Variants in RRP7A observed in about 807,000 individuals in gnomAD.
RRP7A encodes the protein ribosomal RNA processing 7 homolog A, also known as ribosomal RNA-processing protein 7 homolog A.
RRP7A carries 27 observed loss-of-function variants against 38.4 expected under a neutral mutation model. The observed-to-expected ratio is 0.70, with a 90% CI of 0.52 to 0.97. The LOEUF is 0.97. Among genes scored for constraint, RRP7A ranks in the 50% least tolerant of loss-of-function variants. The probability of loss-of-function intolerance (pLI) is 0.00; values close to 1 mark genes in which losing one functional copy is unlikely to be tolerated. For synonymous variants in RRP7A, 124 were observed against 150.3 expected (o/e 0.83, Z 1.28); for missense variants, 327 against 375.4 (o/e 0.87, Z 1.07).
chr22:42,514,032 A>C (rs148135124), intron 6 of RRP7A, 74 bp downstream of exon 6: 1 of 1,339,554 alleles, frequency 7.5e-7, no homozygotes, highest in Non-Finnish European at 1.0e-6. Context: ...CGCCCTCAGG[A>C]GCACTGGCCA....
chr22:42,517,223 A>C (rs1407538720), intron 2 of RRP7A, among the ~76,000 whole-genome samples: 2 of 151,824 alleles, frequency 1.3e-5, no homozygotes, highest in African/African-American at 4.8e-5. Context: ...GGTTGCAGTG[A>C]GTTGTGAACG....
intron 6 of RRP7A, among the ~76,000 whole-genome samples, chr22:42,513,658 C>T (rs1439975077): frequency 3.4e-3 from 438 of 128,988 alleles, no homozygotes; most frequent in African/African-American, 0.012. Context: ...CGATCGGGCC[C>T]ACAGGCATGG....
In RRP7A at chr22:42,512,729, A is replaced by G. The variant is rs1601804885; in HGVS notation, c.*181T>C. 7 of 668,008 alleles carry G rather than the reference A, an allele frequency of 1.0e-5. No individual in the cohort carries two copies. The highest frequency in any genetic ancestry group is 5.3e-5 in the African/African-American group (3 of 56,388). 41.4% of individuals were successfully genotyped at this position (668,008 alleles called of 1,614,324 possible). ...GTCCCCAGGACTGCTGAAGCACAAG[A>G]CCCGAGGGGTGGCCTGGTCCTTCCC... On this transcript the variant is annotated 3_prime_UTR_variant, in exon 7 of 7. Transcript: ENST00000323013.
At position 42,511,636 on chromosome 22, in the gene RRP7A, G is replaced by A. The variant is rs1283572856; in HGVS notation, c.*1274C>T. ...TATGGTCACCTACCCACTTACACCT[G>A]ACCCTGGGGCCTCTGCAGTTTTCTT... On this transcript the variant is annotated 3_prime_UTR_variant, in exon 7 of 7. Coordinates refer to ENST00000323013, the MANE Select transcript of RRP7A (RefSeq NM_015703.5). 4 of 175,206 alleles carry A rather than the reference G, an allele frequency of 2.3e-5. No individual in the cohort carries two copies. Among genetic ancestry groups the A allele is most frequent in the African/African-American group, 9.6e-5 (4 of 41,784 alleles). 10.9% of individuals were successfully genotyped at this position (175,206 alleles called of 1,614,324 possible).
chr22:42,508,986 T>C lies in RRP7A; in HGVS notation c.*3924A>G, dbSNP rs373086140. ...TGGGTTTCGTGCCCACGAGAGTGCCTGTGCCTTGTGACGAGAATTCACCAT... is the reference window on the plus strand; with the variant it reads ...TGGGTTTCGTGCCCACGAGAGTGCCCGTGCCTTGTGACGAGAATTCACCAT... On this transcript the variant is annotated 3_prime_UTR_variant, in exon 7 of 7. Coordinates refer to ENST00000323013, the MANE Select transcript of RRP7A (RefSeq NM_015703.5). The C allele has an allele frequency of 8.7e-6, 14 of 1,612,434 alleles. No individual in the cohort carries two copies. The highest frequency in any genetic ancestry group is 5.0e-5 in the Admixed American group (3 of 59,864).
At position 42,514,799 on chromosome 22, in the gene RRP7A, G is replaced by A. The variant is rs1920925942; in HGVS notation, c.461-20C>T. On this transcript the variant is annotated intron_variant, in intron 4 of 6. Transcript: ENST00000323013. ...TCCACTCTGAGGAAAAGGGAGCCAG[G>A]GAAACGGGGCTTCCTCAGGCCTGGC... The A allele has an allele frequency of 1.3e-6, 2 of 1,581,484 alleles. No individual in the cohort carries two copies. Among genetic ancestry groups the A allele is most frequent in the Non-Finnish European group, 1.7e-6 (2 of 1,158,850 alleles).
chr22:42,516,334 CTCT>C (rs906271885), intron 2 of RRP7A, 198 bp from the exon 3 acceptor site: 1 of 716,522 alleles, frequency 1.4e-6, no homozygotes, highest in Non-Finnish European at 2.4e-6. Flanking sequence ...GATATTCCTG[CTCT>C]TTTTTTTTTT....
Position 42,516,970 on chromosome 22 carries a change from T to C in RRP7A, c.217-834A>G, listed in dbSNP as rs980635682. On this transcript the variant is annotated intron_variant, in intron 2 of 6. Coordinates refer to ENST00000323013, the MANE Select transcript of RRP7A (RefSeq NM_015703.5). ...TCTTTTACAAATTAGGGTTTCTTTT[T>C]TGAAAACAAATCCAGCAATTCCCTT... 4.3e-4 allele frequency among the ~76,000 whole-genome samples: 65 copies of C among 152,158 alleles called. 1 individual carries two copies. The highest frequency in any genetic ancestry group is 1.5e-3 in the African/African-American group (64 of 41,434).
Position 42,509,656 on chromosome 22 carries a change from AAG to A in RRP7A, c.*3252_*3253del, listed in dbSNP as rs1371620616. Among the ~76,000 whole-genome samples the A allele has an allele frequency of 5.9e-5, 9 of 151,908 alleles. No homozygotes were observed. The highest frequency in any genetic ancestry group is 1.0e-4 in the Non-Finnish European group (7 of 67,976). ...CCATAGACGATTTTTAAGCCATAAAAAGAAACGAAGCACTGACATGGGCTCCA... is the reference window on the plus strand; with the variant it reads ...CCATAGACGATTTTTAAGCCATAAAAAAACGAAGCACTGACATGGGCTCCA... On this transcript the variant is annotated 3_prime_UTR_variant, in exon 7 of 7. Transcript: ENST00000323013.
In RRP7A at chr22:42,512,030, T is replaced by G. The variant is rs200004658; in HGVS notation, c.*880A>C. ...GCTCCTGACCTGCAGGGAGCTGGAA[T>G]GCTGTGGGAGGGCCCTGACCCCGGG... On this transcript the variant is annotated 3_prime_UTR_variant, in exon 7 of 7. Coordinates refer to ENST00000323013, the MANE Select transcript of RRP7A (RefSeq NM_015703.5). The G allele has an allele frequency of 5.8e-3, 5,005 of 869,716 alleles. 3 individuals are homozygous for G. The highest frequency in any genetic ancestry group is 0.018 in the Middle Eastern group (58 of 3,280). 53.9% of individuals were successfully genotyped at this position (869,716 alleles called of 1,614,324 possible).
intron 5 of RRP7A, 96 bp from the exon 6 acceptor site, chr22:42,514,400 G>GC: frequency 2.3e-6 from 2 of 864,918 alleles, no homozygotes; most frequent in Admixed American, 5.2e-5. Context: ...ACTGCCCTGA[G>GC]CCCCCGCAGG....
At position 42,508,912 on chromosome 22, in the gene RRP7A, G is replaced by C; in HGVS notation, c.*3998C>G. 2 of 1,428,992 alleles carry C rather than the reference G, an allele frequency of 1.4e-6. No homozygotes were observed. The highest frequency in any genetic ancestry group is 1.9e-6 in the Non-Finnish European group (2 of 1,033,020). The allele number at this position is 1,428,992 out of a possible 1,614,324, so 88.5% of individuals were successfully genotyped here. ...TGTGGGGTCCTGGGCTCAGACCCAGGGTGGGTGGCTAAGGTGCCCTCGCCA... is the reference window on the plus strand; with the variant it reads ...TGTGGGGTCCTGGGCTCAGACCCAGCGTGGGTGGCTAAGGTGCCCTCGCCA... On this transcript the variant is annotated 3_prime_UTR_variant, in exon 7 of 7. Coordinates refer to ENST00000323013, the MANE Select transcript of RRP7A (RefSeq NM_015703.5).
At position 42,517,999 on chromosome 22, in the gene RRP7A, G is replaced by A; in HGVS notation, c.216+6C>T. On this transcript the variant is annotated splice_donor_region_variant and intron_variant, in intron 2 of 6. Transcript: ENST00000323013. Reference sequence around the variant, plus strand: ...CAGGTCTCCTCCCAGACAGACACTAGCTCACCTCTGTGCAGTATGGGGGCA... The same window carrying A: ...CAGGTCTCCTCCCAGACAGACACTAACTCACCTCTGTGCAGTATGGGGGCA... The A allele has an allele frequency of 1.2e-6, 2 of 1,611,580 alleles. No homozygotes were observed. Among genetic ancestry groups the A allele is most frequent in the African/African-American group, 1.3e-5 (1 of 75,016 alleles).
intron 3 of RRP7A, 120 bp downstream of exon 3, chr22:42,515,891 C>T (rs574816387): frequency 6.3e-5 from 81 of 1,281,372 alleles, no homozygotes; most frequent in Middle Eastern, 5.2e-4. Context: ...ACACCACACA[C>T]GGTGAGGATG....
rs1400433856 is a variant in RRP7A at position 42,519,723 on chromosome 22, C to A, written c.64G>T (p.Gly22Cys). 1.4e-6 allele frequency: 2 copies of A among 1,461,820 alleles called. No homozygotes were observed. The highest frequency in any genetic ancestry group is 1.8e-6 in the Non-Finnish European group (2 of 1,109,066). The allele number at this position is 1,461,820 out of a possible 1,614,324, so 90.6% of individuals were successfully genotyped here. ...DPEDRIPSPL[G>C]YAAIPIKFSE... ...TCCCGGAGCCCCTCACCTGCGTAGCCCAGTGGGCTGGGGATACGGTCCTCC... is the reference window on the plus strand; with the variant it reads ...TCCCGGAGCCCCTCACCTGCGTAGCACAGTGGGCTGGGGATACGGTCCTCC... Residue 22 changes from glycine (G) to cysteine (C), a missense_variant, in exon 1 of 7, where the codon GGC (glycine) becomes TGC (cysteine). Gly to Cys is a radical substitution (Grantham distance 159). Coordinates refer to ENST00000323013, the MANE Select transcript of RRP7A (RefSeq NM_015703.5).
At chr22:42,513,971 G>A (rs1920923677) in intron 6 of RRP7A, 135 bp downstream of exon 6, 5 of 752,258 alleles carry the variant, frequency 6.6e-6, no homozygotes, top group East Asian at 2.7e-5. Flanking sequence ...AGTCTGGTGC[G>A]AGCCCCGTGC....
chr22:42,517,951 T>C, intron 2 of RRP7A, 54 bp downstream of exon 2: 1 of 1,586,276 alleles, frequency 6.3e-7, no homozygotes, highest in Non-Finnish European at 8.6e-7. Flanking sequence ...GTGGAGGCCA[T>C]GGGAGCCCCC....
rs1291651433 is a variant in RRP7A, at chr22:42,511,957, G to A, written c.*953C>T. 1.5e-6 allele frequency: 1 copy of A among 689,078 alleles called. No homozygotes were observed. The highest frequency in any genetic ancestry group is 2.4e-5 in the Admixed American group (1 of 42,002). The allele number at this position is 689,078 out of a possible 1,614,324, so 42.7% of individuals were successfully genotyped here. On this transcript the variant is annotated 3_prime_UTR_variant, in exon 7 of 7. Coordinates refer to ENST00000323013, the MANE Select transcript of RRP7A (RefSeq NM_015703.5). The stretch of plus-strand genomic sequence containing the variant: ...GACATCTCCTGGGGTGCTATGGACT[G>A]TCGGGGCTCCAAGGAGCCGAGTGTG...
chr22:42,516,725 G>A (rs1047218959), intron 2 of RRP7A, among the ~76,000 whole-genome samples: 26 of 152,332 alleles, frequency 1.7e-4, no homozygotes, highest in Admixed American at 1.6e-3. Context: ...TATGACAGTT[G>A]GGATGGTGGT....
Sources: gnomAD v4.1 joint callset for allele counts (sites outside exome capture counted in the v4.1 genomes callset) on GRCh38, gnomAD v4.1.1 for gene constraint, MANE v1.5 for transcripts, NCBI Gene and HGNC (gene_info 2026-07-23, HGNC 2026-07-21) for gene names.